KIR2DL3: variants seen among roughly 807,000 people sequenced by gnomAD.
KIR2DL3 encodes the protein killer cell immunoglobulin like receptor, two Ig domains and long cytoplasmic tail 3.
A neutral mutation model predicts 33.8 loss-of-function variants in KIR2DL3; 39 were observed. That is an observed-to-expected ratio of 1.15 (90% CI 0.89 to 1.51). The LOEUF (loss-of-function observed/expected upper bound fraction) is 1.51. KIR2DL3 is among the 40% of genes most tolerant of loss of function. KIR2DL3 has a pLI of 0.00. For synonymous variants in KIR2DL3, 174 were observed against 160.2 expected (o/e 1.09, Z -0.65); for missense variants, 462 against 426.2 (o/e 1.08, Z -0.74).
At position 54,748,126 on chromosome 19, in the gene KIR2DL3, T is replaced by C. The variant is rs530172676; in HGVS notation, c.715+741T>C. Among the ~76,000 whole-genome samples the C allele has an allele frequency of 8.4e-3, 1,254 of 149,678 alleles. 6 individuals carry two copies. Among genetic ancestry groups the C allele is most frequent in the African/African-American group, 0.029 (1,182 of 40,588 alleles). ...CCAGCTTCTAAAGGCTCCCAGTTCC[T>C]TGGCTCCTGTTCCCCTTCCTCCTTC... On this transcript the variant is annotated intron_variant, in intron 5 of 7. Coordinates refer to ENST00000342376, the MANE Select transcript of KIR2DL3 (RefSeq NM_015868.3).
intron 5 of KIR2DL3, 65 bp downstream of exon 5, chr19:54,747,450 G>C (rs2072721457): frequency 6.4e-7 from 1 of 1,554,014 alleles, no homozygotes; most frequent in Non-Finnish European, 8.9e-7. Flanking sequence ...TTCGATGCAG[G>C]CATTGACTCA....
chr19:54,746,005 G>A (rs1233696170), intron 4 of KIR2DL3, among the ~76,000 whole-genome samples: 1 of 131,276 alleles, frequency 7.6e-6, no homozygotes, highest in African/African-American at 2.9e-5. Flanking sequence ...TAGAGACAGT[G>A]TTTCTTCATG....
intron 2 of KIR2DL3, among the ~76,000 whole-genome samples, chr19:54,740,647 T>G (rs1413222697): frequency 6.6e-6 from 1 of 151,790 alleles, no homozygotes; most frequent in Non-Finnish European, 1.5e-5. Flanking sequence ...ACGCAGGCCC[T>G]GACTGTATTT....
chr19:54,744,288 G>T (rs2071830417), intron 4 of KIR2DL3, among the ~76,000 whole-genome samples, 200 bp downstream of exon 4: 3 of 152,214 alleles, frequency 2.0e-5, no homozygotes, highest in Admixed American at 2.0e-4. Context: ...CCGCGGCCAG[G>T]GCTCCAGGCA....
chr19:54,744,848 A>G (rs1395102383), intron 4 of KIR2DL3, among the ~76,000 whole-genome samples: 4 of 141,552 alleles, frequency 2.8e-5, no homozygotes, highest in African/African-American at 1.0e-4. Flanking sequence ...TTAAGTGTAA[A>G]GTCTAGTGGT....
intron 3 of KIR2DL3, among the ~76,000 whole-genome samples, 195 bp from the exon 4 acceptor site, chr19:54,743,600 G>C (rs552519152): frequency 9.9e-5 from 15 of 152,246 alleles, no homozygotes; most frequent in African/African-American, 3.6e-4. Context: ...TAGAGGTGGG[G>C]AAGCGAGGTC....
Position 54,744,036 on chromosome 19 carries a change from C to T in KIR2DL3, c.612C>T (p.Asp204=), listed in dbSNP as rs2071749447. Residue 204 remains aspartate (D), a synonymous_variant, in exon 4 of 8, where the codon GAC becomes GAT. Coordinates refer to ENST00000342376, the MANE Select transcript of KIR2DL3 (RefSeq NM_015868.3). ...GTYRCFGSFR[D]SPYEWSNSSD... is the part of the protein sequence containing the mutation. The stretch of plus-strand genomic sequence containing the variant: ...ACAGATGCTTCGGCTCTTTCCGTGA[C>T]TCTCCATACGAGTGGTCAAACTCGA... The T allele has an allele frequency of 1.9e-6, 3 of 1,614,148 alleles. No individual in the cohort carries two copies. The African/African-American group carries it at 4.0e-5, about 22-fold the overall frequency.
chr19:54,742,384 G>A, intron 3 of KIR2DL3, 105 bp downstream of exon 3: 9 of 1,487,606 alleles, frequency 6.0e-6, no homozygotes, highest in East Asian at 2.3e-5. Context: ...GTATTCTTAT[G>A]GAGAGAGACT....
At chr19:54,749,220 GGA>G (rs1429663561) in intron 5 of KIR2DL3, among the ~76,000 whole-genome samples, 1 of 150,182 alleles carries the variant, frequency 6.7e-6, no homozygotes, top group Admixed American at 6.7e-5. Flanking sequence ...GGAGCAACAA[GGA>G]GTGTGTGTTT....
At chr19:54,744,950 ATATATTTTTTTTTTT>A (rs2072174122) in intron 4 of KIR2DL3, among the ~76,000 whole-genome samples, 2 of 26,788 alleles carry the variant, frequency 7.5e-5, no homozygotes, top group African/African-American at 1.4e-4. Context: ...ATATATATAT[ATATATTTTTTTTTTT>A]TTTTTTTTTT....
chr19:54,738,806 G>T (rs1316766031), intron 1 of KIR2DL3, among the ~76,000 whole-genome samples: 2 of 150,660 alleles, frequency 1.3e-5, no homozygotes, highest in Admixed American at 6.6e-5. Flanking sequence ...GGAGACATGG[G>T]CCTGGAGATG....
intron 2 of KIR2DL3, among the ~76,000 whole-genome samples, chr19:54,739,764 T>C (rs796933877): frequency 9.3e-4 from 139 of 150,118 alleles, no homozygotes; most frequent in African/African-American, 3.3e-3. Context: ...AGCTGGGGTG[T>C]GTGGTTGGGA....
In KIR2DL3 at chr19:54,747,857, C is replaced by A. The variant is rs1178251970; in HGVS notation, c.715+472C>A. On this transcript the variant is annotated intron_variant, in intron 5 of 7. Coordinates refer to ENST00000342376, the MANE Select transcript of KIR2DL3 (RefSeq NM_015868.3). ...ACAGAGAACGGAGCTCATGCACGCA[C>A]ACTTCGACTCACTGACTCATTCAGC... is the stretch of plus-strand genomic sequence containing the variant. Among the ~76,000 whole-genome samples, 3 of 152,362 alleles carry A rather than the reference C, an allele frequency of 2.0e-5. No individual in the cohort carries two copies. The South Asian group carries it at 6.2e-4, about 32-fold the overall frequency.
Position 54,749,799 on chromosome 19 carries a change from A to T in KIR2DL3, c.716-1850A>T, listed in dbSNP as rs1176660683. Reference sequence around the variant, plus strand: ...GTAATCCCAGCTCCTATTCTGGAGGATGAAGCAGGAGAATGACTTCAACCC... The same window carrying T: ...GTAATCCCAGCTCCTATTCTGGAGGTTGAAGCAGGAGAATGACTTCAACCC... On this transcript the variant is annotated intron_variant, in intron 5 of 7. Coordinates refer to ENST00000342376, the MANE Select transcript of KIR2DL3 (RefSeq NM_015868.3). Among the ~76,000 whole-genome samples the T allele has an allele frequency of 5.4e-5, 4 of 73,698 alleles. 1 individual carries two copies. Among genetic ancestry groups the T allele is most frequent in the Non-Finnish European group, 1.1e-4 (4 of 35,906 alleles). 48.3% of individuals were successfully genotyped at this position (73,698 alleles called of 152,430 possible).
intron 5 of KIR2DL3, 152 bp downstream of exon 5, chr19:54,747,537 C>T (rs2072740955): frequency 9.7e-7 from 1 of 1,034,332 alleles, no homozygotes; most frequent in Admixed American, 1.9e-5. Flanking sequence ...CGAAAGGGAT[C>T]TGGGCCCAAC....
rs1276816509 is a variant in KIR2DL3, at chr19:54,752,500, T to C, written c.1007T>C (p.Leu336Pro). Residue 336 changes from leucine (L) to proline (P), a missense_variant, in exon 8 of 8, where the codon CTT becomes CCT. Transcript: ENST00000342376. ...ACAGATATCATCGTGTACACGGAACTTCCAAATGCTGAGCCCTGATCCAAA... is the reference window on the plus strand; with the variant it reads ...ACAGATATCATCGTGTACACGGAACCTCCAAATGCTGAGCCCTGATCCAAA... ...PPTDIIVYTE[L>P]PNAEP 2.7e-6 allele frequency: 4 copies of C among 1,464,282 alleles called. 1 individual carries two copies. Among genetic ancestry groups the C allele is most frequent in the Non-Finnish European group, 3.7e-6 (4 of 1,076,922 alleles). 90.7% of individuals were successfully genotyped at this position (1,464,282 alleles called of 1,614,324 possible).
intron 6 of KIR2DL3, 115 bp downstream of exon 6, chr19:54,751,868 C>A: frequency 1.1e-6 from 1 of 935,148 alleles, no homozygotes; most frequent in Non-Finnish European, 1.6e-6. Context: ...AGGCAGCAGC[C>A]ACAGAGGGAG....
At chr19:54,744,761 G>C (rs1157462851) in intron 4 of KIR2DL3, among the ~76,000 whole-genome samples, 1 of 146,780 alleles carries the variant, frequency 6.8e-6, no homozygotes, top group African/African-American at 2.5e-5. Context: ...TCCTGACCAC[G>C]TGATCCACCC....
Position 54,742,120 on chromosome 19 carries a change from C to A in KIR2DL3, c.211C>A (p.His71Asn). ...HREGKFKDTL[H>N]LIGEHHDGVS... ...AGAAGGGAAGTTTAAGGACACTTTG[C>A]ACCTCATTGGAGAGCACCATGATGG... The change falls in exon 3 of 8, where the codon CAC becomes AAC. Residue 71 changes from histidine (H) to asparagine (N), a missense_variant. By Grantham distance (68) the His-to-Asn change is moderately conservative (BLOSUM62 1). Transcript: ENST00000342376. 6 of 1,614,004 alleles carry A rather than the reference C, an allele frequency of 3.7e-6. No individual in the cohort carries two copies. The highest frequency in any genetic ancestry group is 4.2e-6 in the Non-Finnish European group (5 of 1,179,986).
Sources: allele counts gnomAD v4.1 joint callset (sites outside exome capture counted in the v4.1 genomes callset), GRCh38; gene constraint gnomAD v4.1.1; transcripts MANE v1.5; gene names NCBI Gene and HGNC (gene_info 2026-07-23, HGNC 2026-07-21).